Variants in ADGRB3 observed in about 807,000 individuals in gnomAD.
ADGRB3 encodes adhesion G protein-coupled receptor B3.
In ADGRB3, 37 loss-of-function variants were observed where a neutral mutation model predicts 193.4. That is an observed-to-expected ratio of 0.19 (90% confidence interval 0.15 to 0.25). The LOEUF (loss-of-function observed/expected upper bound fraction) is 0.25. Among genes scored for constraint, ADGRB3 ranks in the 10% least tolerant of loss-of-function variants. ADGRB3 has a pLI of 1.00. For synonymous variants in ADGRB3, 690 were observed against 644.2 expected, an observed-to-expected ratio of 1.07 and a Z score of -1.08; for missense variants, 1,637 against 1,852.9, an observed-to-expected ratio of 0.88 and a Z score of 2.14.
chr6:68,832,742 G>A (rs1438207173), intron 3 of ADGRB3, among the ~76,000 whole-genome samples: 1 of 152,074 alleles, frequency 6.6e-6, no homozygotes, highest in African/African-American at 2.4e-5. Flanking sequence ...GGCCATATTT[G>A]CAGCTGTGCA....
intron 31 of ADGRB3, among the ~76,000 whole-genome samples, chr6:69,384,976 G>A (rs1223480736): frequency 3.9e-5 from 5 of 127,650 alleles, no homozygotes; most frequent in East Asian, 4.6e-4. Flanking sequence ...TTTTTTTTCC[G>A]GGCTGCTGAC....
At chr6:68,877,329 C>T (rs1053874873) in intron 3 of ADGRB3, among the ~76,000 whole-genome samples, 7 of 151,750 alleles carry the variant, frequency 4.6e-5, no homozygotes, top group Non-Finnish European at 4.4e-5. Flanking sequence ...TACTTGCCAC[C>T]ATTTAGAAAA....
chr6:69,002,498 T>C (rs9446084), intron 11 of ADGRB3, among the ~76,000 whole-genome samples: 60,692 of 151,958 alleles, frequency 0.4, 13,664 homozygotes, highest in Middle Eastern at 0.6. Flanking sequence ...ATTATAGGCA[T>C]GAACCACTGC....
intron 20 of ADGRB3, among the ~76,000 whole-genome samples, chr6:69,310,944 G>A (rs568514838): frequency 1.3e-5 from 2 of 151,460 alleles, no homozygotes; most frequent in African/African-American, 2.4e-5. Context: ...CTGTAATTTC[G>A]GCCCAATATA....
chr6:68,987,299 C>G (rs939298693), intron 10 of ADGRB3, among the ~76,000 whole-genome samples: 1 of 152,092 alleles, frequency 6.6e-6, no homozygotes, highest in African/African-American at 2.4e-5. Context: ...TCAACCTCCA[C>G]TTGAGTAAAA....
intron 3 of ADGRB3, among the ~76,000 whole-genome samples, chr6:68,842,042 A>T (rs1216257881): frequency 6.6e-6 from 1 of 152,064 alleles, no homozygotes; most frequent in Non-Finnish European, 1.5e-5. Context: ...GCAACACAAA[A>T]GATAAATGCT....
At chr6:68,864,200 T>C (rs1014524544) in intron 3 of ADGRB3, among the ~76,000 whole-genome samples, 5 of 152,256 alleles carry the variant, frequency 3.3e-5, no homozygotes, top group Non-Finnish European at 7.3e-5. Context: ...CTTATTGGAC[T>C]GCCCAGAATA....
chr6:68,936,400 G>C, intron 4 of ADGRB3, 119 bp from the exon 5 acceptor site: 1 of 1,054,212 alleles, frequency 9.5e-7, no homozygotes, highest in Non-Finnish European at 1.4e-6. Context: ...ACCTTTTGAT[G>C]TATGGTCATA....
At chr6:69,235,222 GTCT>G (rs1766234269) in intron 19 of ADGRB3, 87 bp downstream of exon 19, 2 of 1,040,748 alleles carry the variant, frequency 1.9e-6, no homozygotes, top group Non-Finnish European at 2.9e-6. Context: ...AATGTCTCCT[GTCT>G]TCTTAATTTA....
At chr6:68,885,870 G>A (rs1446179509) in intron 3 of ADGRB3, among the ~76,000 whole-genome samples, 2 of 152,092 alleles carry the variant, frequency 1.3e-5, no homozygotes, top group Non-Finnish European at 2.9e-5. Flanking sequence ...AAATTTAGAG[G>A]CTTAGAGTCA....
chr6:68,806,302 A>G lies in ADGRB3; in HGVS notation c.758-124257A>G, dbSNP rs373541955. On this transcript the variant is annotated intron_variant, in intron 3 of 31. Coordinates refer to ENST00000370598, the MANE Select transcript of ADGRB3 (RefSeq NM_001704.3). Reference sequence around the variant, plus strand: ...TATAACACTAAGCTGAAATCTTAACATATCTTACAATTTTGTATTCTGTGT... The same window carrying G: ...TATAACACTAAGCTGAAATCTTAACGTATCTTACAATTTTGTATTCTGTGT... Among the ~76,000 whole-genome samples, 7 of 152,326 alleles carry G rather than the reference A, an allele frequency of 4.6e-5. No homozygotes were observed. The East Asian group carries it at 9.6e-4, about 21-fold the overall frequency.
chr6:68,642,740 T>TC (rs1030328919), intron 3 of ADGRB3, among the ~76,000 whole-genome samples: 1 of 147,670 alleles, frequency 6.8e-6, no homozygotes, highest in Non-Finnish European at 1.5e-5. Flanking sequence ...TTTTTTTTTT[T>TC]CCAAATAAAA....
At chr6:68,796,680 T>C (rs900450327) in intron 3 of ADGRB3, among the ~76,000 whole-genome samples, 1 of 152,168 alleles carries the variant, frequency 6.6e-6, no homozygotes, top group Non-Finnish European at 1.5e-5. Context: ...CAATGCAATG[T>C]TTGCTTCTAA....
intron 3 of ADGRB3, among the ~76,000 whole-genome samples, chr6:68,782,766 GT>G (rs1766881654): frequency 6.6e-6 from 1 of 152,092 alleles, no homozygotes; most frequent in African/African-American, 2.4e-5. Flanking sequence ...CTGCATAAAT[GT>G]CTTCTTTTGA....
chr6:68,636,162 G>A (rs948188242), intron 1 of ADGRB3, among the ~76,000 whole-genome samples, 162 bp downstream of exon 1: 7 of 152,080 alleles, frequency 4.6e-5, no homozygotes, highest in Non-Finnish European at 8.8e-5. Flanking sequence ...CTTAAACGCC[G>A]CAGTTGAAAA....
chr6:69,300,601 T>G (rs571423693), intron 20 of ADGRB3, among the ~76,000 whole-genome samples: 2 of 151,772 alleles, frequency 1.3e-5, no homozygotes, highest in Non-Finnish European at 3.0e-5. Flanking sequence ...TTAGAACTGA[T>G]AAACAAATTT....
intron 11 of ADGRB3, among the ~76,000 whole-genome samples, chr6:68,998,979 C>T (rs1012440478): frequency 6.6e-6 from 1 of 152,160 alleles, no homozygotes; most frequent in African/African-American, 2.4e-5. Flanking sequence ...TTATTTGTGC[C>T]CTGTATGTAA....
chr6:69,329,460 T>C (rs1420376811), intron 22 of ADGRB3, among the ~76,000 whole-genome samples: 1 of 152,166 alleles, frequency 6.6e-6, no homozygotes, highest in Non-Finnish European at 1.5e-5. Context: ...ATGTTTAAGA[T>C]ATAATTTACA....
Position 69,146,931 on chromosome 6 carries a change from A to G in ADGRB3, c.2480+70893A>G, listed in dbSNP as rs997584390. Among the ~76,000 whole-genome samples, 6 of 148,974 alleles carry G rather than the reference A, an allele frequency of 4.0e-5. No individual in the cohort carries two copies. In the South Asian group the frequency reaches 8.5e-4, roughly 21 times the overall value. ...TTGTCCATTTCTTCTAGGTTTGCCA[A>G]TTCGTTCATATATAGTTGCCGACAG... On this transcript the variant is annotated intron_variant, in intron 17 of 31. Transcript: ENST00000370598.
Sources: gnomAD v4.1 joint callset for allele counts (sites outside exome capture counted in the v4.1 genomes callset) on GRCh38, gnomAD v4.1.1 for gene constraint, MANE v1.5 for transcripts, NCBI Gene and HGNC (gene_info 2026-07-23, HGNC 2026-07-21) for gene names.